Variants in ELP4 observed in about 807,000 individuals in gnomAD.
ELP4 encodes the protein elongator complex protein 4.
Under a neutral mutation model 48.9 loss-of-function variants are expected in ELP4, and 51 were observed. That is an observed-to-expected ratio of 1.04 (90% CI 0.83 to 1.32). ELP4 has a LOEUF of 1.32. Ranked by LOEUF, ELP4 falls within the 40% of genes most tolerant of loss-of-function variation. The pLI is 0.00. For missense variants in ELP4, 519 were observed against 514.6 expected, an observed-to-expected ratio of 1.01 and a Z score of -0.08; for synonymous variants, 210 against 189.2, an observed-to-expected ratio of 1.11 and a Z score of -0.90.
At chr11:31,590,502 CA>C (rs1242750380) in intron 3 of ELP4, among the ~76,000 whole-genome samples, 17 of 152,078 alleles carry the variant, frequency 1.1e-4, no homozygotes, top group Non-Finnish European at 5.9e-5. Context: ...TCGAATGAGG[CA>C]ACAATTTCTT....
intron 9 of ELP4, among the ~76,000 whole-genome samples, chr11:31,777,965 A>G (rs1277211551): frequency 6.6e-6 from 1 of 152,200 alleles, no homozygotes; most frequent in African/African-American, 2.4e-5. Context: ...TGAGTATATC[A>G]TCCTGCAGTG....
At chr11:31,578,818 C>T (rs187672396) in intron 3 of ELP4, among the ~76,000 whole-genome samples, 2 of 152,146 alleles carry the variant, frequency 1.3e-5, no homozygotes, top group African/African-American at 4.8e-5. Flanking sequence ...AAATGTTAGA[C>T]CTAAAACCAT....
chr11:31,595,379 T>C (rs1957653701), intron 4 of ELP4, among the ~76,000 whole-genome samples: 1 of 152,190 alleles, frequency 6.6e-6, no homozygotes, highest in Non-Finnish European at 1.5e-5. Flanking sequence ...ATCTGTCCAG[T>C]AAAACTCATG....
chr11:31,782,682 T>G (rs1948404258), intron 9 of ELP4, among the ~76,000 whole-genome samples: 1 of 150,802 alleles, frequency 6.6e-6, no homozygotes, highest in Admixed American at 6.6e-5. Flanking sequence ...ACAGTTGGGA[T>G]GGGCGGGGGT....
At chr11:31,601,254 T>C (rs1957775489) in intron 4 of ELP4, among the ~76,000 whole-genome samples, 1 of 152,090 alleles carries the variant, frequency 6.6e-6, no homozygotes, top group African/African-American at 2.4e-5. Flanking sequence ...CAAAATCTGA[T>C]TATATGTTAA....
intron 5 of ELP4, among the ~76,000 whole-genome samples, chr11:31,622,345 A>ATT (rs1944641143): frequency 6.6e-6 from 1 of 151,096 alleles, no homozygotes; most frequent in Non-Finnish European, 1.5e-5. Flanking sequence ...TTTGTATTAA[A>ATT]CCCCTCAGTT....
intron 2 of ELP4, among the ~76,000 whole-genome samples, chr11:31,529,706 C>G (rs1956362395): frequency 6.6e-6 from 1 of 152,060 alleles, no homozygotes; most frequent in African/African-American, 2.4e-5. Context: ...AGGAGGGGGG[C>G]CTGCTAGAAT....
Position 31,790,287 on chromosome 11 carries a change from A to T in ELP4, c.*6763A>T. On this transcript the variant is annotated 3_prime_UTR_variant, in exon 10 of 10. Coordinates refer to ENST00000640961, the MANE Select transcript of ELP4 (RefSeq NM_019040.5). Reference sequence around the variant, plus strand: ...AAAAAAAAATCCTCTGTTTGTTTGCATGTTTGGAACTTTTACAATAAAGCT... The same window carrying T: ...AAAAAAAAATCCTCTGTTTGTTTGCTTGTTTGGAACTTTTACAATAAAGCT... 1.7e-6 allele frequency: 1 copy of T among 577,810 alleles called. No homozygotes were observed. 35.8% of individuals were successfully genotyped at this position (577,810 alleles called of 1,614,324 possible).
At chr11:31,759,241 A>G (rs1330066820) in intron 9 of ELP4, among the ~76,000 whole-genome samples, 6 of 152,198 alleles carry the variant, frequency 3.9e-5, no homozygotes, top group African/African-American at 9.6e-5. Flanking sequence ...TTTCCCACAC[A>G]TATTTCCTTC....
At chr11:31,749,879 G>A (rs1592279419) in intron 9 of ELP4, among the ~76,000 whole-genome samples, 4 of 147,006 alleles carry the variant, frequency 2.7e-5, no homozygotes, top group East Asian at 4.0e-4. Context: ...TTTTTGAGAC[G>A]GAGTCTCGCT....
intron 7 of ELP4, among the ~76,000 whole-genome samples, chr11:31,640,589 C>G (rs1396863538): frequency 6.6e-6 from 1 of 151,868 alleles, no homozygotes; most frequent in Non-Finnish European, 1.5e-5. Context: ...TGTAGTTAAT[C>G]TTTAATGTTG....
At chr11:31,631,400 C>G (rs1035188965) in intron 6 of ELP4, among the ~76,000 whole-genome samples, 5 of 152,054 alleles carry the variant, frequency 3.3e-5, no homozygotes, top group African/African-American at 1.2e-4. Context: ...TTTGCACATG[C>G]CAGGTTTTGT....
chr11:31,740,876 G>A (rs1947428586), intron 9 of ELP4, among the ~76,000 whole-genome samples: 1 of 152,258 alleles, frequency 6.6e-6, no homozygotes, highest in Admixed American at 6.5e-5. Context: ...TCACTGGGGA[G>A]TGCCAGACAG....
chr11:31,521,165 G>T (rs1364624443), intron 2 of ELP4, among the ~76,000 whole-genome samples: 2 of 151,972 alleles, frequency 1.3e-5, no homozygotes, highest in Non-Finnish European at 2.9e-5. Context: ...AAAGGAAAAC[G>T]TTATATAGAA....
At chr11:31,605,413 A>G (rs1277420954) in intron 5 of ELP4, among the ~76,000 whole-genome samples, 1 of 152,074 alleles carries the variant, frequency 6.6e-6, no homozygotes, top group Non-Finnish European at 1.5e-5. Flanking sequence ...TTTACATAGA[A>G]GCTTGCGAAA....
At chr11:31,693,139 T>A (rs1946316909) in intron 9 of ELP4, among the ~76,000 whole-genome samples, 1 of 152,006 alleles carries the variant, frequency 6.6e-6, no homozygotes. Flanking sequence ...TGAATGGAAA[T>A]AATCTTAAAC....
chr11:31,514,922 G>A (rs1309940369), intron 1 of ELP4, among the ~76,000 whole-genome samples: 1 of 150,918 alleles, frequency 6.6e-6, no homozygotes, highest in Non-Finnish European at 1.5e-5. Flanking sequence ...TTATACAAAG[G>A]TATCTTGTGG....
rs114339019 is a variant in ELP4, at chr11:31,776,525, G to A, written c.1144-6868G>A. ...CTGAAAAGGAGAATAGATTTTGGGA[G>A]TAAACTGGCAATCTTTGCCACAGAC... On this transcript the variant is annotated intron_variant, in intron 9 of 9. Transcript: ENST00000640961. Among the ~76,000 whole-genome samples the A allele has an allele frequency of 1.6e-3, 244 of 152,332 alleles. 1 individual carries two copies. Among genetic ancestry groups the A allele is most frequent in the African/African-American group, 5.4e-3 (225 of 41,568 alleles).
chr11:31,739,855 T>G (rs1273400189), intron 9 of ELP4, among the ~76,000 whole-genome samples: 1 of 152,220 alleles, frequency 6.6e-6, no homozygotes, highest in African/African-American at 2.4e-5. Context: ...TCCATTTATT[T>G]CTTATGTACA....
Sources: gnomAD v4.1 joint callset for allele counts (sites outside exome capture counted in the v4.1 genomes callset) on GRCh38, gnomAD v4.1.1 for gene constraint, MANE v1.5 for transcripts, NCBI Gene and HGNC (gene_info 2026-07-23, HGNC 2026-07-21) for gene names.